Variants in MEMO1 observed in about 807,000 individuals in gnomAD.
MEMO1 encodes the protein protein MEMO1.
MEMO1 carries 6 observed loss-of-function variants against 45.2 expected under a neutral mutation model. The observed-to-expected ratio is 0.13, with a 90% CI of 0.07 to 0.26. MEMO1 has a LOEUF of 0.26. Ranked by LOEUF, MEMO1 falls within the 10% of genes least tolerant of loss-of-function variation. MEMO1 has a pLI of 1.00. For synonymous variants in MEMO1, 78 were observed against 124.3 expected (o/e 0.63, Z 2.48); for missense variants, 184 against 370.5 (o/e 0.50, Z 4.13).
At chr2:31,935,442 G>C (rs1322261611) in intron 3 of MEMO1, among the ~76,000 whole-genome samples, 1 of 152,090 alleles carries the variant, frequency 6.6e-6, no homozygotes. Flanking sequence ...GTCCATTCAG[G>C]AGCTGAAGAC....
chr2:31,946,591 G>A (rs560966465), intron 2 of MEMO1, among the ~76,000 whole-genome samples: 1 of 152,280 alleles, frequency 6.6e-6, no homozygotes, highest in South Asian at 2.1e-4. Context: ...GCCAGGCGCG[G>A]TGGCTCATGC....
At chr2:31,941,001 C>T (rs2148309896) in intron 3 of MEMO1, among the ~76,000 whole-genome samples, 1 of 152,334 alleles carries the variant, frequency 6.6e-6, no homozygotes, top group South Asian at 2.1e-4. Flanking sequence ...ACTGGACTCC[C>T]TGTTCCCACA....
intron 2 of MEMO1, among the ~76,000 whole-genome samples, chr2:31,986,480 AT>A (rs112196681): frequency 2.6e-5 from 4 of 152,244 alleles, no homozygotes; most frequent in South Asian, 4.1e-4. Flanking sequence ...TCAAAAAAAA[AT>A]AATAATAATA....
At chr2:31,950,406 T>G (rs1666710147) in intron 2 of MEMO1, among the ~76,000 whole-genome samples, 1 of 147,938 alleles carries the variant, frequency 6.8e-6, no homozygotes. Context: ...AAAAACCTAT[T>G]AATGAACAAG....
chr2:31,941,974 A>G (rs1027738490), intron 3 of MEMO1, among the ~76,000 whole-genome samples: 2 of 152,230 alleles, frequency 1.3e-5, no homozygotes, highest in Non-Finnish European at 2.9e-5. Flanking sequence ...TTATCAGGGC[A>G]TGAACCTTAA....
At chr2:31,896,473 T>C (rs984104532) in intron 6 of MEMO1, among the ~76,000 whole-genome samples, 1 of 152,156 alleles carries the variant, frequency 6.6e-6, no homozygotes, top group Non-Finnish European at 1.5e-5. Flanking sequence ...AATATGTAAA[T>C]ACAAAAGTAT....
chr2:31,893,510 C>T (rs1057406069), intron 6 of MEMO1, among the ~76,000 whole-genome samples: 1 of 152,058 alleles, frequency 6.6e-6, no homozygotes, highest in Admixed American at 6.5e-5. Flanking sequence ...TAAAAAAATA[C>T]ATTAAGATAA....
intron 2 of MEMO1, among the ~76,000 whole-genome samples, chr2:31,967,068 C>T (rs1242118677): frequency 6.6e-6 from 1 of 151,332 alleles, no homozygotes; most frequent in Non-Finnish European, 1.5e-5. Context: ...ATAAAAATTG[C>T]TGTGTGAGAA....
chr2:31,993,548 G>C (rs141366588), intron 2 of MEMO1, among the ~76,000 whole-genome samples: 1 of 152,132 alleles, frequency 6.6e-6, no homozygotes, highest in Non-Finnish European at 1.5e-5. Context: ...TAGAATTTCC[G>C]GATCAGAATT....
At chr2:31,994,208 A>T (rs550684370) in intron 2 of MEMO1, among the ~76,000 whole-genome samples, 11 of 149,222 alleles carry the variant, frequency 7.4e-5, no homozygotes, top group Admixed American at 7.4e-4. Context: ...TGATCTGCCC[A>T]CCTCGCCCTC....
At chr2:31,897,428 C>G (rs935555667) in intron 6 of MEMO1, among the ~76,000 whole-genome samples, 1 of 152,014 alleles carries the variant, frequency 6.6e-6, no homozygotes, top group Non-Finnish European at 1.5e-5. Flanking sequence ...TAGCATGAAG[C>G]GGTATTGAAT....
chr2:31,990,675 A>T (rs1202378885), intron 2 of MEMO1, among the ~76,000 whole-genome samples: 1 of 150,256 alleles, frequency 6.7e-6, no homozygotes, highest in African/African-American at 2.5e-5. Flanking sequence ...CCAAAGTGCT[A>T]GGATTACAGG....
At chr2:31,889,225 A>C (rs1676594200) in intron 7 of MEMO1, among the ~76,000 whole-genome samples, 1 of 152,084 alleles carries the variant, frequency 6.6e-6, no homozygotes, top group South Asian at 2.1e-4. Context: ...CACTGTGTGT[A>C]GCTGAGTAAT....
At chr2:31,891,937 C>A in intron 7 of MEMO1, 55 bp downstream of exon 7, 2 of 1,501,268 alleles carry the variant, frequency 1.3e-6, no homozygotes, top group Non-Finnish European at 1.8e-6. Context: ...TGAAAAGATA[C>A]CTTTAACCAG....
At chr2:31,925,402 G>C (rs894703944) in intron 4 of MEMO1, among the ~76,000 whole-genome samples, 1 of 148,896 alleles carries the variant, frequency 6.7e-6, no homozygotes, top group African/African-American at 2.5e-5. Flanking sequence ...TTTGAACCCG[G>C]GAGGCAGAGG....
intron 6 of MEMO1, among the ~76,000 whole-genome samples, chr2:31,901,200 C>G (rs1193174688): frequency 6.6e-6 from 1 of 151,714 alleles, no homozygotes; most frequent in African/African-American, 2.4e-5. Context: ...TGGCGAAACC[C>G]TGTCTCTACT....
chr2:31,871,262 G>A (rs550079134), intron 8 of MEMO1, among the ~76,000 whole-genome samples: 4 of 152,056 alleles, frequency 2.6e-5, no homozygotes, highest in African/African-American at 9.7e-5. Flanking sequence ...GACTTAACTG[G>A]TTATTCTGTG....
chr2:31,953,355 A>C (rs1667048567), intron 2 of MEMO1, among the ~76,000 whole-genome samples: 1 of 147,400 alleles, frequency 6.8e-6, no homozygotes, highest in Non-Finnish European at 1.5e-5. Flanking sequence ...TGATAGAGTG[A>C]AACTCCGTCT....
At chr2:31,955,283 G>A (rs562646255) in intron 2 of MEMO1, among the ~76,000 whole-genome samples, 2 of 152,156 alleles carry the variant, frequency 1.3e-5, no homozygotes, top group Non-Finnish European at 2.9e-5. Context: ...AGTGAATGCA[G>A]CTAACAGACT....
Sources: gnomAD v4.1 joint callset for allele counts (sites outside exome capture counted in the v4.1 genomes callset) on GRCh38, gnomAD v4.1.1 for gene constraint, MANE v1.5 for transcripts, NCBI Gene and HGNC (gene_info 2026-07-23, HGNC 2026-07-21) for gene names.